CHRM3: variants seen among roughly 807,000 people sequenced by gnomAD.
CHRM3 encodes muscarinic acetylcholine receptor M3.
Under a neutral mutation model 41.8 loss-of-function variants are expected in CHRM3, and 11 were observed. The ratio of observed to expected loss-of-function variants is 0.26; its 90% CI spans 0.17 to 0.44. The LOEUF (loss-of-function observed/expected upper bound fraction) is 0.44. Among genes scored for constraint, CHRM3 ranks in the 20% least tolerant of loss-of-function variants. The probability of loss-of-function intolerance (pLI) is 1.00; values close to 1 mark genes in which losing one functional copy is unlikely to be tolerated. For missense variants in CHRM3, 571 were observed against 745.4 expected, an observed-to-expected ratio of 0.77 and a Z score of 2.72; for synonymous variants, 297 against 301.4, an observed-to-expected ratio of 0.99 and a Z score of 0.15.
At chr1:239,577,982 T>A (rs540007910) in intron 3 of CHRM3, among the ~76,000 whole-genome samples, 3 of 152,318 alleles carry the variant, frequency 2.0e-5, no homozygotes, top group African/African-American at 7.2e-5. Context: ...TGAGAAGGCT[T>A]ATTAGGTCAT....
In CHRM3 at chr1:239,559,470, G is replaced by A. The variant is rs150920337; in HGVS notation, c.-313+13721G>A. The stretch of plus-strand genomic sequence containing the variant: ...TCATTTCAGTCAAGAATATTTAATC[G>A]AATGCCAACAACTGACAGTTCAACC... On this transcript the variant is annotated intron_variant, in intron 3 of 6. Transcript: ENST00000676153. 1.1e-4 allele frequency among the ~76,000 whole-genome samples: 17 copies of A among 152,108 alleles called. No individual in the cohort carries two copies. In the East Asian group the frequency reaches 2.3e-3, roughly 21 times the overall value.
chr1:239,896,746 T>C (rs938951741), intron 6 of CHRM3, among the ~76,000 whole-genome samples: 1 of 152,196 alleles, frequency 6.6e-6, no homozygotes, highest in African/African-American at 2.4e-5. Context: ...TTATCAGCAT[T>C]GATAGCGTCT....
chr1:239,505,899 C>A (rs1394418579), intron 2 of CHRM3, among the ~76,000 whole-genome samples: 1 of 152,134 alleles, frequency 6.6e-6, no homozygotes, highest in Non-Finnish European at 1.5e-5. Context: ...AACTTCTTAG[C>A]AACTAGAGCA....
intron 4 of CHRM3, among the ~76,000 whole-genome samples, chr1:239,648,973 C>G (rs1472463060): frequency 6.6e-6 from 1 of 152,102 alleles, no homozygotes; most frequent in African/African-American, 2.4e-5. Context: ...TTATGGTATA[C>G]ATACACACCC....
intron 5 of CHRM3, among the ~76,000 whole-genome samples, chr1:239,822,883 T>C (rs1672165494): frequency 6.6e-6 from 1 of 152,084 alleles, no homozygotes; most frequent in Non-Finnish European, 1.5e-5. Context: ...TAAAATGTTA[T>C]AGGAGGAAAC....
At position 239,912,309 on chromosome 1, in the gene CHRM3, G is replaced by C. The variant is rs1368746541; in HGVS notation, c.*3085G>C. ...GCTCTCCTTTGCCCATCAGCTCCCT[G>C]TGGCCTCTATGCTAGTCCTCCCTAT... On this transcript the variant is annotated 3_prime_UTR_variant, in exon 7 of 7. Coordinates refer to ENST00000676153, the MANE Select transcript of CHRM3 (RefSeq NM_001375978.1). 1 of 167,134 alleles carries C rather than the reference G, an allele frequency of 6.0e-6. No homozygotes were observed. The highest frequency in any genetic ancestry group is 1.5e-5 in the Non-Finnish European group (1 of 68,218). 10.4% of individuals were successfully genotyped at this position (167,134 alleles called of 1,614,324 possible). A position where few individuals can be genotyped will look rare whatever the true frequency, so the allele number is the denominator to read the frequency against.
intron 4 of CHRM3, among the ~76,000 whole-genome samples, chr1:239,652,545 G>A (rs1672332668): frequency 6.6e-6 from 1 of 151,702 alleles, no homozygotes; most frequent in African/African-American, 2.4e-5. Flanking sequence ...TTTTTTCTCT[G>A]CTGAGCAAGA....
intron 1 of CHRM3, among the ~76,000 whole-genome samples, chr1:239,415,731 G>A (rs917490197): frequency 6.6e-6 from 1 of 152,166 alleles, no homozygotes; most frequent in Non-Finnish European, 1.5e-5. Context: ...AAGAACTGGA[G>A]AGGAGAAAAA....
At chr1:239,722,513 A>G (rs1372907125) in intron 5 of CHRM3, among the ~76,000 whole-genome samples, 2 of 151,928 alleles carry the variant, frequency 1.3e-5, no homozygotes, top group African/African-American at 2.4e-5. Flanking sequence ...ATCATTGCCT[A>G]TAGGAGTTGT....
At chr1:239,679,483 G>A (rs892309100) in intron 5 of CHRM3, among the ~76,000 whole-genome samples, 2 of 152,116 alleles carry the variant, frequency 1.3e-5, no homozygotes, top group Non-Finnish European at 2.9e-5. Context: ...GAGGGAGGGA[G>A]AGTGAGAGAG....
chr1:239,877,371 C>T (rs1290655990), intron 6 of CHRM3, among the ~76,000 whole-genome samples: 1 of 151,552 alleles, frequency 6.6e-6, no homozygotes. Context: ...CACTTGAGGC[C>T]AGAAGTTCAA....
intron 6 of CHRM3, among the ~76,000 whole-genome samples, chr1:239,876,187 G>A (rs1677095767): frequency 6.6e-6 from 1 of 152,144 alleles, no homozygotes; most frequent in Non-Finnish European, 1.5e-5. Flanking sequence ...GGAATTATTT[G>A]AATAGCCAGC....
intron 6 of CHRM3, among the ~76,000 whole-genome samples, chr1:239,839,405 T>A (rs1486499830): frequency 6.6e-6 from 1 of 152,184 alleles, no homozygotes; most frequent in Non-Finnish European, 1.5e-5. Context: ...CTGGGACAGA[T>A]CTCTGTTGGG....
chr1:239,766,198 C>G (rs993789433), intron 5 of CHRM3, among the ~76,000 whole-genome samples: 8 of 152,024 alleles, frequency 5.3e-5, no homozygotes, highest in African/African-American at 1.9e-4. Flanking sequence ...ATAACTGAAG[C>G]CCCGAGGGCT....
chr1:239,837,089 C>G (rs1239306321), intron 6 of CHRM3, among the ~76,000 whole-genome samples: 1 of 152,078 alleles, frequency 6.6e-6, no homozygotes, highest in East Asian at 1.9e-4. Context: ...GGGTTGTAAG[C>G]AGAAAAAAAT....
Position 239,529,937 on chromosome 1 carries a change from G to A in CHRM3, c.-421-15704G>A, listed in dbSNP as rs555202870. ...TTTTGAGACAGAGTCTCGCTCTGTC[G>A]CCCAGGCTGGAGTGCAGTGGCGCGA... On this transcript the variant is annotated intron_variant, in intron 2 of 6. Transcript: ENST00000676153. Among the ~76,000 whole-genome samples the A allele has an allele frequency of 4.0e-4, 61 of 151,552 alleles. 1 individual carries two copies. Among genetic ancestry groups the A allele is most frequent in the African/African-American group, 1.3e-3 (53 of 41,276 alleles).
At chr1:239,884,392 GA>G (rs1677896060) in intron 6 of CHRM3, among the ~76,000 whole-genome samples, 1 of 152,162 alleles carries the variant, frequency 6.6e-6, no homozygotes, top group African/African-American at 2.4e-5. Flanking sequence ...ACAAGGAAAG[GA>G]TTCTCTCCTA....
intron 5 of CHRM3, among the ~76,000 whole-genome samples, chr1:239,746,319 C>T (rs1271472913): frequency 6.6e-6 from 1 of 152,198 alleles, no homozygotes; most frequent in Non-Finnish European, 1.5e-5. Flanking sequence ...GTGCCAGGCA[C>T]TTTCACATGA....
At chr1:239,690,056 G>GAC (rs1416638972) in intron 5 of CHRM3, among the ~76,000 whole-genome samples, 1 of 94,300 alleles carries the variant, frequency 1.1e-5, no homozygotes, top group Non-Finnish European at 2.0e-5. Context: ...CAGAGAGAGA[G>GAC]AGAGAGAGAG....
Sources: gnomAD v4.1 joint callset for allele counts (sites outside exome capture counted in the v4.1 genomes callset) on GRCh38, gnomAD v4.1.1 for gene constraint, MANE v1.5 for transcripts, NCBI Gene and HGNC (gene_info 2026-07-23, HGNC 2026-07-21) for gene names.